The following DLG2 variants were observed in gnomAD, a reference collection of about 807,000 sequenced individuals.
DLG2 encodes disks large homolog 2.
A neutral mutation model predicts 132.5 loss-of-function variants in DLG2; 45 were observed. That is an observed-to-expected ratio of 0.34 (90% CI 0.27 to 0.44). The LOEUF (loss-of-function observed/expected upper bound fraction) is 0.44, where lower values mean the gene tolerates loss of function less well. Among genes scored for constraint, DLG2 ranks in the 20% least tolerant of loss-of-function variants. The pLI is 1.00. For missense variants in DLG2, 1,045 were observed against 1,196.9 expected, an observed-to-expected ratio of 0.87 and a Z score of 1.87; for synonymous variants, 424 against 419.6, an observed-to-expected ratio of 1.01 and a Z score of -0.13.
At chr11:84,161,196 C>G (rs1356194263) in intron 9 of DLG2, among the ~76,000 whole-genome samples, 2 of 150,368 alleles carry the variant, frequency 1.3e-5, no homozygotes, top group African/African-American at 2.5e-5. Flanking sequence ...TGGATGAGCA[C>G]AAAAAGCTAG....
chr11:83,685,013 G>T (rs1395371859), intron 18 of DLG2, among the ~76,000 whole-genome samples: 2 of 152,048 alleles, frequency 1.3e-5, no homozygotes, highest in African/African-American at 4.8e-5. Context: ...ATTAGTGATG[G>T]TGCTAGTATT....
chr11:85,490,473 A>T lies in DLG2; in HGVS notation c.40+108184T>A, dbSNP rs1352626150. ...CATCAGAGCAGAACTAAATGACAAA[A>T]AAATCTTAATAATATAATCAATGAA... On this transcript the variant is annotated intron_variant, in intron 3 of 27. Transcript: ENST00000376104. Among the ~76,000 whole-genome samples, 6 of 152,002 alleles carry T rather than the reference A, an allele frequency of 3.9e-5. No individual in the cohort carries two copies. In the East Asian group the frequency reaches 1.2e-3, roughly 29 times the overall value.
intron 4 of DLG2, among the ~76,000 whole-genome samples, chr11:85,185,172 G>A (rs1301669804): frequency 2.0e-5 from 3 of 151,828 alleles, no homozygotes; most frequent in African/African-American, 7.3e-5. Context: ...ATGCAGTTTG[G>A]TTTGCAGAAA....
chr11:85,173,002 T>C (rs566410827), intron 4 of DLG2, among the ~76,000 whole-genome samples: 1 of 152,200 alleles, frequency 6.6e-6, no homozygotes, highest in African/African-American at 2.4e-5. Context: ...ATGATTGGGG[T>C]ACCTGAAAGA....
intron 11 of DLG2, among the ~76,000 whole-genome samples, chr11:84,006,898 C>T (rs1220064495): frequency 1.3e-5 from 2 of 151,648 alleles, no homozygotes; most frequent in Non-Finnish European, 3.0e-5. Flanking sequence ...ATCTTCTTCA[C>T]AAAACCAAAT....
intron 18 of DLG2, among the ~76,000 whole-genome samples, chr11:83,728,204 T>C (rs1439900787): frequency 1.3e-5 from 2 of 152,202 alleles, no homozygotes; most frequent in African/African-American, 4.8e-5. Flanking sequence ...ACACCAGCAG[T>C]CAGAGGACTC....
chr11:85,415,351 T>G (rs1197708092), intron 3 of DLG2, among the ~76,000 whole-genome samples: 1 of 152,210 alleles, frequency 6.6e-6, no homozygotes, highest in Non-Finnish European at 1.5e-5. Context: ...GTAGAATGAT[T>G]TCTAATTCTT....
chr11:85,079,013 ATG>A (rs1428359231), intron 6 of DLG2, among the ~76,000 whole-genome samples: 2 of 129,202 alleles, frequency 1.5e-5, no homozygotes, highest in Non-Finnish European at 3.4e-5. Context: ...GCTTTCTTTT[ATG>A]TGTTTTAGGG....
intron 2 of DLG2, among the ~76,000 whole-genome samples, chr11:85,615,691 G>C (rs1427555419): frequency 6.6e-6 from 1 of 152,132 alleles, no homozygotes; most frequent in Non-Finnish European, 1.5e-5. Flanking sequence ...GTATATATTA[G>C]ATGATTTACA....
intron 6 of DLG2, among the ~76,000 whole-genome samples, chr11:84,762,650 A>G (rs1007273242): frequency 6.6e-6 from 1 of 152,214 alleles, no homozygotes; most frequent in Non-Finnish European, 1.5e-5. Flanking sequence ...ACCTTCCAAA[A>G]GAAATTTCAC....
rs184128598 is a variant in DLG2 at position 83,462,538 on chromosome 11, G to C, written c.2730-445C>G. The stretch of plus-strand genomic sequence containing the variant: ...TCCTGACCACCCTTTCTTGGAGTTT[G>C]TTCTAGTGTATCTCAGACTTTCTGA... On this transcript the variant is annotated intron_variant, in intron 26 of 27. Coordinates refer to ENST00000376104, the MANE Select transcript of DLG2 (RefSeq NM_001142699.3). 3.9e-5 allele frequency among the ~76,000 whole-genome samples: 6 copies of C among 152,210 alleles called. No individual in the cohort carries two copies. In the East Asian group the frequency reaches 1.2e-3, roughly 29 times the overall value.
chr11:83,708,294 TA>T (rs2084540643), intron 18 of DLG2, among the ~76,000 whole-genome samples: 1 of 152,214 alleles, frequency 6.6e-6, no homozygotes, highest in Admixed American at 6.5e-5. Context: ...TGATGCTCAA[TA>T]AATATTTGTT....
intron 21 of DLG2, among the ~76,000 whole-genome samples, chr11:83,521,210 C>G (rs1472696859): frequency 6.6e-6 from 1 of 152,060 alleles, no homozygotes; most frequent in Admixed American, 6.5e-5. Flanking sequence ...TTCCTCTGAC[C>G]CTGCCTCTTT....
intron 3 of DLG2, among the ~76,000 whole-genome samples, chr11:85,447,405 G>C (rs1004233550): frequency 6.6e-6 from 1 of 152,008 alleles, no homozygotes; most frequent in African/African-American, 2.4e-5. Context: ...AGGTAATTAG[G>C]GTGGAACCTA....
At chr11:84,785,120 T>C (rs1247021228) in intron 6 of DLG2, among the ~76,000 whole-genome samples, 1 of 152,100 alleles carries the variant, frequency 6.6e-6, no homozygotes, top group Non-Finnish European at 1.5e-5. Context: ...GAAAAAAAGT[T>C]TGTTCAGATC....
chr11:85,484,516 A>G lies in DLG2; in HGVS notation c.40+114141T>C, dbSNP rs544318749. Among the ~76,000 whole-genome samples the G allele has an allele frequency of 1.6e-3, 247 of 151,422 alleles. 1 individual carries two copies. The highest frequency in any genetic ancestry group is 2.1e-3 in the Non-Finnish European group (140 of 67,704). ...AAACAAATTTACAAGAAAAAAACAA[A>G]CAACCCCATCAAAAAGTGGGCGAAG... On this transcript the variant is annotated intron_variant, in intron 3 of 27. Transcript: ENST00000376104.
intron 14 of DLG2, among the ~76,000 whole-genome samples, chr11:83,950,438 T>C (rs1357222653): frequency 6.6e-6 from 1 of 152,060 alleles, no homozygotes; most frequent in Non-Finnish European, 1.5e-5. Flanking sequence ...CTACTAAAAA[T>C]ACAAGATTAG....
chr11:83,737,146 T>C (rs2092004575), intron 18 of DLG2, among the ~76,000 whole-genome samples: 1 of 152,214 alleles, frequency 6.6e-6, no homozygotes, highest in Admixed American at 6.5e-5. Context: ...GGAATGGGAC[T>C]TAGAACAAAA....
intron 19 of DLG2, among the ~76,000 whole-genome samples, chr11:83,608,516 A>C (rs955372968): frequency 6.6e-6 from 1 of 152,188 alleles, no homozygotes; most frequent in East Asian, 1.9e-4. Flanking sequence ...AACCTGTAAA[A>C]TGTTGATTAT....
Sources: allele counts gnomAD v4.1 joint callset (sites outside exome capture counted in the v4.1 genomes callset), GRCh38; gene constraint gnomAD v4.1.1; transcripts MANE v1.5; gene names NCBI Gene and HGNC (gene_info 2026-07-23, HGNC 2026-07-21).